Variants in TRAP1 observed in about 807,000 individuals in gnomAD.
TRAP1 encodes the protein TNF receptor associated protein 1, also known as heat shock protein 75 kDa, mitochondrial.
In TRAP1, 102 loss-of-function variants were observed where a neutral mutation model predicts 89.1. The observed-to-expected ratio is 1.15, with a 90% CI of 0.98 to 1.35. TRAP1 has a LOEUF of 1.35. Ranked by LOEUF, TRAP1 falls within the 40% of genes most tolerant of loss-of-function variation. The probability of loss-of-function intolerance (pLI) is 0.00; values close to 1 mark genes in which losing one functional copy is unlikely to be tolerated. For synonymous variants in TRAP1, 508 were observed against 388.0 expected (o/e 1.31, Z -3.64); for missense variants, 1,256 against 945.3 (o/e 1.33, Z -4.31).
intron 16 of TRAP1, chr16:3,660,839 G>C (rs976009031): frequency 9.2e-5 from 14 of 152,312 alleles, no homozygotes; most frequent in African/African-American, 3.4e-4. Flanking sequence ...CAGGTGGATT[G>C]TTTGAGGCCA....
rs747697467 is a variant in TRAP1, at chr16:3,715,118, C to T, written c.88+2303G>A. Among the ~76,000 whole-genome samples the T allele has an allele frequency of 2.2e-4, 33 of 152,108 alleles. 1 individual carries two copies. Among genetic ancestry groups the T allele is most frequent in the Non-Finnish European group, 1.2e-4 (8 of 68,024 alleles). ...AACCACCGCACCAGAAGATGGAGGA[C>T]GAGAGGAGAGAGACAATTTTTAAGA... is the stretch of plus-strand genomic sequence containing the variant. On this transcript the variant is annotated intron_variant, in intron 1 of 17. Coordinates refer to ENST00000246957, the MANE Select transcript of TRAP1 (RefSeq NM_016292.3).
At chr16:3,702,846 C>G (rs569717233) in intron 1 of TRAP1, among the ~76,000 whole-genome samples, 1 of 151,418 alleles carries the variant, frequency 6.6e-6, no homozygotes, top group East Asian at 1.9e-4. Flanking sequence ...AGTTTGAGAC[C>G]AGCCTGACCA....
intron 1 of TRAP1, among the ~76,000 whole-genome samples, chr16:3,695,547 A>G (rs540195382): frequency 2.0e-5 from 3 of 151,760 alleles, no homozygotes; most frequent in East Asian, 1.9e-4. Context: ...AAAAAAAAAA[A>G]AAAAGAAAAG....
chr16:3,663,681 G>C (rs761514150), intron 13 of TRAP1, 119 bp from the exon 14 acceptor site: 2 of 1,309,246 alleles, frequency 1.5e-6, no homozygotes, highest in East Asian at 2.4e-5. Context: ...GGAACACCGG[G>C]GCAGTTGGGG....
In TRAP1 at chr16:3,704,547, AT is replaced by A. The variant is rs1400425168; in HGVS notation, c.88+12873del. 2.0e-5 allele frequency among the ~76,000 whole-genome samples: 3 copies of A among 152,168 alleles called. No individual in the cohort carries two copies. The East Asian group carries it at 5.8e-4, about 29-fold the overall frequency. On this transcript the variant is annotated intron_variant, in intron 1 of 17. Transcript: ENST00000246957. ...AAGAACATTAATATAAAGCTACAAT[AT>A]TAAAATAAATTTCCAGACCAGGCAT...
intron 1 of TRAP1, among the ~76,000 whole-genome samples, chr16:3,701,965 C>T (rs1038623192): frequency 1.3e-5 from 2 of 152,152 alleles, no homozygotes; most frequent in Non-Finnish European, 2.9e-5. Context: ...TATCCCAGCA[C>T]TTTGGGAGGC....
Position 3,672,755 on chromosome 16 carries a change from G to A in TRAP1, c.1110C>T (p.Val370=), listed in dbSNP as rs761693009. The A allele has an allele frequency of 1.2e-6, 2 of 1,611,850 alleles. No individual in the cohort carries two copies. The highest frequency in any genetic ancestry group is 1.7e-6 in the Non-Finnish European group (2 of 1,179,132). Residue 370 remains valine (V), a synonymous_variant, in exon 10 of 18, where the codon GTC becomes GTT. Coordinates refer to ENST00000246957, the MANE Select transcript of TRAP1 (RefSeq NM_016292.3). ...GSSVALYSRK[V]LIQTKATDIL... is the part of the protein sequence containing the mutation. ...TGTCCGTGGCCTTGGTCTGGATGAGGACTTTGCGGCTGTACAGTGCAACGC... is the reference window on the plus strand; with the variant it reads ...TGTCCGTGGCCTTGGTCTGGATGAGAACTTTGCGGCTGTACAGTGCAACGC...
Position 3,677,883 on chromosome 16 carries a change from T to G in TRAP1, c.544-225A>C, listed in dbSNP as rs2051020843. 1.9e-5 allele frequency: 10 copies of G among 532,700 alleles called. No individual in the cohort carries two copies. The South Asian group carries it at 2.0e-4, about 11-fold the overall frequency. 33.0% of individuals were successfully genotyped at this position (532,700 alleles called of 1,614,324 possible). ...GCAGTGGGACAAGTGTGTTTTCCATTTGATTCCCAAAGCTCACAGTCCTGC... is the reference window on the plus strand; with the variant it reads ...GCAGTGGGACAAGTGTGTTTTCCATGTGATTCCCAAAGCTCACAGTCCTGC... On this transcript the variant is annotated intron_variant, in intron 5 of 17. Transcript: ENST00000246957.
rs559767343 is a variant in TRAP1 at position 3,681,463 on chromosome 16, G to A, written c.472-1673C>T. ...CAAAACCACATCACCACCAGTTACTGCAGTGCACACATGTGTGCATGTTTC... is the reference window on the plus strand; with the variant it reads ...CAAAACCACATCACCACCAGTTACTACAGTGCACACATGTGTGCATGTTTC... On this transcript the variant is annotated intron_variant, in intron 4 of 17. Transcript: ENST00000246957. Among the ~76,000 whole-genome samples the A allele has an allele frequency of 2.6e-5, 4 of 152,294 alleles. No individual in the cohort carries two copies. The East Asian group carries it at 7.7e-4, about 29-fold the overall frequency.
intron 3 of TRAP1, chr16:3,687,423 G>C (rs1284461977): frequency 6.6e-6 from 1 of 152,136 alleles, no homozygotes; most frequent in Non-Finnish European, 1.5e-5. Context: ...CGTGAAAATG[G>C]ACTAATACAC....
At chr16:3,701,534 G>A (rs1878000013) in intron 1 of TRAP1, among the ~76,000 whole-genome samples, 1 of 134,872 alleles carries the variant, frequency 7.4e-6, no homozygotes, top group Non-Finnish European at 1.5e-5. Flanking sequence ...CTGGGTGACA[G>A]AGTAAGACCC....
rs531879834 is a variant in TRAP1, at chr16:3,714,682, T to C, written c.88+2739A>G. Among the ~76,000 whole-genome samples, 18 of 152,052 alleles carry C rather than the reference T, an allele frequency of 1.2e-4. No homozygotes were observed. The South Asian group carries it at 3.8e-3, about 32-fold the overall frequency. On this transcript the variant is annotated intron_variant, in intron 1 of 17. Transcript: ENST00000246957. ...TCAAAAAAAATCAAATAAGATATTC[T>C]GAGGGCAAGTGACAGGGCTGGCAGT...
At chr16:3,697,346 G>A (rs1012736742) in intron 1 of TRAP1, among the ~76,000 whole-genome samples, 1 of 151,896 alleles carries the variant, frequency 6.6e-6, no homozygotes. Context: ...TCTTCTTATT[G>A]ATTTGTAAGA....
At chr16:3,714,189 C>A (rs1425268250) in intron 1 of TRAP1, among the ~76,000 whole-genome samples, 1 of 152,190 alleles carries the variant, frequency 6.6e-6, no homozygotes, top group Non-Finnish European at 1.5e-5. Flanking sequence ...GCTGTCCAGG[C>A]CACCAAGATG....
intron 8 of TRAP1, 167 bp from the exon 9 acceptor site, chr16:3,674,661 C>A: frequency 3.8e-6 from 3 of 796,874 alleles, no homozygotes; most frequent in Non-Finnish European, 3.9e-6. Context: ...TGGGCTATGC[C>A]GGGTAGTGCA....
chr16:3,668,427 T>C (rs1378530405), intron 11 of TRAP1, among the ~76,000 whole-genome samples: 2 of 152,198 alleles, frequency 1.3e-5, no homozygotes, highest in Non-Finnish European at 2.9e-5. Flanking sequence ...GACATTTACA[T>C]AGCTTCAAAA....
At position 3,690,845 on chromosome 16, in the gene TRAP1, T is replaced by C; in HGVS notation, c.229A>G (p.Ser77Gly). Residue 77 changes from serine to glycine, a missense_variant, in exon 2 of 18, where the codon AGC (serine) becomes GGC (glycine). Coordinates refer to ENST00000246957, the MANE Select transcript of TRAP1 (RefSeq NM_016292.3). ...KEEPLHSIIS[S>G]TESVQGSTSK... ...AGGCTACCCTGCACGCTCTCTGTGC[T>C]GCTGATAATCGAGTGCAGGGGTTCC... The C allele has an allele frequency of 2.6e-6, 4 of 1,541,006 alleles. No individual in the cohort carries two copies. The highest frequency in any genetic ancestry group is 3.5e-6 in the Non-Finnish European group (4 of 1,142,426).
intron 11 of TRAP1, among the ~76,000 whole-genome samples, chr16:3,667,887 T>TAGCTGGG (rs2050858417): frequency 6.8e-6 from 1 of 147,078 alleles, no homozygotes; most frequent in African/African-American, 2.5e-5. Flanking sequence ...GCCTCCCAAG[T>TAGCTGGG]AGCTGGGATT....
At chr16:3,675,888 C>T (rs762020243) in intron 7 of TRAP1, 148 bp downstream of exon 7, 11 of 690,018 alleles carry the variant, frequency 1.6e-5, no homozygotes, top group Middle Eastern at 4.1e-4. Context: ...CGGGCAGCCC[C>T]CCTCCCAGTC....
Sources: gnomAD v4.1 joint callset for allele counts (sites outside exome capture counted in the v4.1 genomes callset) on GRCh38, gnomAD v4.1.1 for gene constraint, MANE v1.5 for transcripts, NCBI Gene and HGNC (gene_info 2026-07-23, HGNC 2026-07-21) for gene names.